DRD3: variants seen among roughly 807,000 people sequenced by gnomAD.
DRD3 encodes the protein D(3) dopamine receptor.
A neutral mutation model predicts 36.3 loss-of-function variants in DRD3; 19 were observed. The ratio of observed to expected loss-of-function variants is 0.52; its 90% confidence interval spans 0.36 to 0.77. The LOEUF (loss-of-function observed/expected upper bound fraction) is 0.77. Among genes scored for constraint, DRD3 ranks in the 30% least tolerant of loss-of-function variants. The pLI is 0.00. For missense variants in DRD3, 465 were observed against 505.3 expected, an observed-to-expected ratio of 0.92 and a Z score of 0.77; for synonymous variants, 195 against 203.7, an observed-to-expected ratio of 0.96 and a Z score of 0.36.
chr3:114,199,015 G>C (rs1249010298), intron 1 of DRD3, among the ~76,000 whole-genome samples: 1 of 152,220 alleles, frequency 6.6e-6, no homozygotes, highest in Non-Finnish European at 1.5e-5. Flanking sequence ...AAAGCATGGG[G>C]ATTATTGGTG....
intron 1 of DRD3, among the ~76,000 whole-genome samples, chr3:114,186,369 T>C (rs1454149513): frequency 6.6e-6 from 1 of 152,134 alleles, no homozygotes; most frequent in African/African-American, 2.4e-5. Context: ...TCAGGTGATC[T>C]GCCCACCTTG....
chr3:114,176,712 A>G (rs986897635), intron 1 of DRD3, among the ~76,000 whole-genome samples: 2 of 152,290 alleles, frequency 1.3e-5, no homozygotes, highest in Non-Finnish European at 1.5e-5. Context: ...ATCTTCACTC[A>G]TTTCACAGAT....
chr3:114,183,776 C>A (rs1055472721), upstream of DRD3, among the ~76,000 whole-genome samples: 7 of 151,774 alleles, frequency 4.6e-5, no homozygotes, highest in African/African-American at 1.7e-4. Flanking sequence ...CATGAATATC[C>A]TTTTCCATCT....
intron 2 of DRD3, among the ~76,000 whole-genome samples, chr3:114,163,262 G>T (rs2077750459): frequency 8.9e-6 from 1 of 112,396 alleles, no homozygotes; most frequent in Non-Finnish European, 2.2e-5. Context: ...GGTGGGACTT[G>T]TAATGAATTT....
chr3:114,136,642 G>A (rs1368300851), intron 5 of DRD3, among the ~76,000 whole-genome samples: 1 of 152,152 alleles, frequency 6.6e-6, no homozygotes, highest in African/African-American at 2.4e-5. Context: ...TACCACACCA[G>A]GCCTGTGTAG....
intron 3 of DRD3, among the ~76,000 whole-genome samples, chr3:114,158,202 A>G (rs2077699938): frequency 1.3e-5 from 2 of 151,500 alleles, no homozygotes; most frequent in African/African-American, 2.4e-5. Flanking sequence ...GCTTGAGTCC[A>G]GGAGTTTGAG....
chr3:114,129,008 C>G, intron 6 of DRD3, 96 bp from the exon 7 acceptor site: 1 of 1,339,632 alleles, frequency 7.5e-7, no homozygotes. Context: ...TTTATGCCAG[C>G]CACTAAGCTG....
intron 3 of DRD3, among the ~76,000 whole-genome samples, chr3:114,151,524 G>GCTT (rs2077617555): frequency 6.6e-6 from 1 of 152,138 alleles, no homozygotes; most frequent in African/African-American, 2.4e-5. Flanking sequence ...AATAACTGAT[G>GCTT]CAAAAAGTTT....
chr3:114,153,401 T>G (rs1003658232), intron 3 of DRD3, among the ~76,000 whole-genome samples: 2 of 152,212 alleles, frequency 1.3e-5, no homozygotes, highest in African/African-American at 4.8e-5. Context: ...AGTTTATGGT[T>G]GTCTTCCCCT....
At chr3:114,129,130 G>T (rs1443865006) in intron 6 of DRD3, among the ~76,000 whole-genome samples, 2 of 152,030 alleles carry the variant, frequency 1.3e-5, no homozygotes, top group Non-Finnish European at 2.9e-5. Context: ...ATCACCTGAG[G>T]TCAGGAGTAC....
intron 4 of DRD3, among the ~76,000 whole-genome samples, chr3:114,140,137 G>A (rs550504912): frequency 4.1e-4 from 63 of 152,320 alleles, no homozygotes; most frequent in Admixed American, 2.0e-4. Context: ...CTGGTGCGGA[G>A]GCATTGGAGA....
Position 114,171,997 on chromosome 3 carries a change from C to T in DRD3, c.-5G>A. On this transcript the variant is annotated 5_prime_UTR_variant, in exon 2 of 7. Transcript: ENST00000383673. ...CAGCTGGCTCAGAGATGCCATAGCC[C>T]AGAGGGAGGTGCGTGATGCCAAGGG... The T allele has an allele frequency of 7.0e-7, 1 of 1,437,480 alleles. No homozygotes were observed. The allele number at this position is 1,437,480 out of a possible 1,614,324, so 89.0% of individuals were successfully genotyped here.
chr3:114,128,897 C>A lies in DRD3; in HGVS notation c.1022G>T (p.Cys341Phe). Residue 341 changes from cysteine (C) to phenylalanine (F), a missense_variant, in exon 7 of 7, where the codon TGC becomes TTC. Cys to Phe is a radical substitution (Grantham distance 205, BLOSUM62 -2). Transcript: ENST00000383673. The stretch of plus-strand genomic sequence containing the variant: ...ATGGGTCAAGAAGAAGGGCAGCCAG[C>A]AGACAATGAAGGCCCCTAAGTTGCC... ...VAIVLGAFIV[C>F]WLPFFLTHVL... 1 of 1,601,304 alleles carries A rather than the reference C, an allele frequency of 6.2e-7. No individual in the cohort carries two copies. The highest frequency in any genetic ancestry group is 1.1e-5 in the South Asian group (1 of 88,960).
At chr3:114,198,735 A>G (rs909517518) in intron 1 of DRD3, among the ~76,000 whole-genome samples, 2 of 152,056 alleles carry the variant, frequency 1.3e-5, no homozygotes, top group Non-Finnish European at 2.9e-5. Context: ...CAAAACATAT[A>G]AATATGTTTT....
intron 2 of DRD3, among the ~76,000 whole-genome samples, chr3:114,167,757 G>A (rs115305648): frequency 3.5e-3 from 535 of 152,214 alleles, no homozygotes; most frequent in African/African-American, 0.013. Flanking sequence ...GAGATCGCTG[G>A]GCAGTATCCA....
intron 3 of DRD3, among the ~76,000 whole-genome samples, chr3:114,157,215 G>A (rs868381200): frequency 3.4e-4 from 51 of 151,692 alleles, no homozygotes; most frequent in Admixed American, 2.8e-3. Context: ...CACCATGTCC[G>A]GCTAATTTTT....
At chr3:114,157,840 C>T (rs1006317702) in intron 3 of DRD3, among the ~76,000 whole-genome samples, 13 of 152,148 alleles carry the variant, frequency 8.5e-5, no homozygotes, top group African/African-American at 2.9e-4. Context: ...CAGTGGCTCA[C>T]ACGTGTAATC....
At chr3:114,182,897 G>A (rs1362703642), upstream of DRD3, among the ~76,000 whole-genome samples, 1 of 152,096 alleles carries the variant, frequency 6.6e-6, no homozygotes, top group Admixed American at 6.6e-5. Context: ...TTCATCTATG[G>A]ATGACACTTA....
chr3:114,196,197 A>G (rs2078035064), intron 1 of DRD3, among the ~76,000 whole-genome samples: 1 of 152,246 alleles, frequency 6.6e-6, no homozygotes, highest in African/African-American at 2.4e-5. Flanking sequence ...GCTAAGTAGT[A>G]TCCCATTATT....
Sources: allele counts gnomAD v4.1 joint callset (sites outside exome capture counted in the v4.1 genomes callset), GRCh38; gene constraint gnomAD v4.1.1; transcripts MANE v1.5; gene names NCBI Gene and HGNC (gene_info 2026-07-23, HGNC 2026-07-21).